MLLT10: variants seen among roughly 807,000 people sequenced by gnomAD.
The protein encoded by MLLT10 is protein AF-10.
MLLT10 carries 30 observed loss-of-function variants against 129.1 expected under a neutral mutation model. The ratio of observed to expected loss-of-function variants is 0.23; its 90% CI spans 0.17 to 0.32. The LOEUF (loss-of-function observed/expected upper bound fraction) is 0.32. MLLT10 is among the 10% of genes least tolerant of loss of function. MLLT10 has a pLI of 1.00. For missense variants in MLLT10, 1,119 were observed against 1,268.3 expected (o/e 0.88, Z 1.79); for synonymous variants, 490 against 446.4 (o/e 1.10, Z -1.23).
rs371470427 is a variant in MLLT10, at chr10:21,587,277, A to C, written c.295+929A>C. 4.1e-4 allele frequency among the ~76,000 whole-genome samples: 62 copies of C among 151,932 alleles called. No individual in the cohort carries two copies. In the South Asian group the frequency reaches 0.012, roughly 30 times the overall value. On this transcript the variant is annotated intron_variant, in intron 4 of 22. Transcript: ENST00000307729. ...AAAATAAAAATAAAAAGACTGAGTT[A>C]CACATGGTGGCACGTGCCTGCAGTT...
rs756113674 is a variant in MLLT10, at chr10:21,682,226, G to A, written c.1668G>A (p.Thr556=). ...AGTCCTTTTTTCCTTACTTAAAAGC[G>A]TTCTCAGAGTTGCTGAATGCAATAC... ...YRHDGACPTT[T]FSELLNAIHN... The change falls in exon 13 of 23, where the codon ACG becomes ACA. Residue 556 remains threonine (T), a splice_region_variant and synonymous_variant. Coordinates refer to ENST00000307729, the MANE Select transcript of MLLT10 (RefSeq NM_001195626.3). 1.2e-5 allele frequency: 19 copies of A among 1,609,700 alleles called. No individual in the cohort carries two copies. Among genetic ancestry groups the A allele is most frequent in the Non-Finnish European group, 1.5e-5 (18 of 1,178,408 alleles).
intron 16 of MLLT10, among the ~76,000 whole-genome samples, chr10:21,729,956 G>A (rs1056608771): frequency 1.3e-5 from 2 of 152,128 alleles, no homozygotes; most frequent in African/African-American, 4.8e-5. Flanking sequence ...AAATATTCAT[G>A]TAAAAGGATC....
intron 22 of MLLT10, 145 bp from the exon 23 acceptor site, chr10:21,741,791 ATAT>A (rs1833681812): frequency 2.9e-6 from 2 of 688,018 alleles, no homozygotes; most frequent in Admixed American, 5.4e-5. Context: ...TCATGTCTAT[ATAT>A]TACGTTGCAA....
At chr10:21,601,629 A>G (rs1302145040) in intron 5 of MLLT10, among the ~76,000 whole-genome samples, 1 of 152,150 alleles carries the variant, frequency 6.6e-6, no homozygotes, top group Non-Finnish European at 1.5e-5. Flanking sequence ...GCCTCAAGCA[A>G]TCAGTCCTCC....
chr10:21,671,126 C>G (rs1332880453), intron 10 of MLLT10: 2 of 161,932 alleles, frequency 1.2e-5, no homozygotes, highest in African/African-American at 4.8e-5. Context: ...TCAAGTGATT[C>G]TTGTGCCTCA....
chr10:21,538,189 A>C (rs1264249070), intron 2 of MLLT10, among the ~76,000 whole-genome samples: 1 of 136,622 alleles, frequency 7.3e-6, no homozygotes, highest in Non-Finnish European at 1.6e-5. Context: ...TTTGAGACGG[A>C]GTTTCACTCT....
At chr10:21,535,155 C>T (rs1478384325) in intron 2 of MLLT10, among the ~76,000 whole-genome samples, 1 of 150,070 alleles carries the variant, frequency 6.7e-6, no homozygotes, top group East Asian at 2.0e-4. Context: ...CGGTGCGCGC[C>T]CTTCCCGGGG....
At chr10:21,549,330 T>G (rs2036600300) in intron 3 of MLLT10, among the ~76,000 whole-genome samples, 1 of 152,012 alleles carries the variant, frequency 6.6e-6, no homozygotes. Flanking sequence ...TCACTGTGTT[T>G]CGATCTCCTG....
intron 3 of MLLT10, among the ~76,000 whole-genome samples, chr10:21,577,259 T>G (rs543126140): frequency 6.6e-6 from 1 of 152,328 alleles, no homozygotes. Flanking sequence ...TCTTTACTCA[T>G]TCATTAATTG....
chr10:21,547,987 C>T (rs2036385030), intron 3 of MLLT10, among the ~76,000 whole-genome samples: 1 of 151,664 alleles, frequency 6.6e-6, no homozygotes, highest in African/African-American at 2.4e-5. Flanking sequence ...GTATTTTTTT[C>T]TCAGGGTCTG....
chr10:21,736,561 G>A (rs905751488), intron 21 of MLLT10, among the ~76,000 whole-genome samples: 1 of 152,210 alleles, frequency 6.6e-6, no homozygotes, highest in East Asian at 1.9e-4. Flanking sequence ...AATTACAGGT[G>A]TGAGCCACTG....
chr10:21,600,781 T>G (rs2043449184), intron 5 of MLLT10, among the ~76,000 whole-genome samples: 1 of 152,164 alleles, frequency 6.6e-6, no homozygotes, highest in Admixed American at 6.5e-5. Context: ...ATTTTGAAAT[T>G]TTCTATTTGA....
At chr10:21,540,678 C>A (rs2034991568) in intron 3 of MLLT10, among the ~76,000 whole-genome samples, 1 of 152,036 alleles carries the variant, frequency 6.6e-6, no homozygotes, top group Admixed American at 6.6e-5. Context: ...TATGATAGTT[C>A]CTTTTTAAAA....
chr10:21,668,951 A>AC, intron 9 of MLLT10: 1 of 1,323,680 alleles, frequency 7.6e-7, no homozygotes, highest in African/African-American at 1.5e-5. Flanking sequence ...GGAATGGAGA[A>AC]CCTCAGGATC....
intron 9 of MLLT10, among the ~76,000 whole-genome samples, chr10:21,662,871 T>A (rs1036330290): frequency 2.0e-5 from 3 of 152,188 alleles, no homozygotes; most frequent in African/African-American, 7.2e-5. Flanking sequence ...AGTCTTTAGG[T>A]GAACCTCTAC....
intron 8 of MLLT10, among the ~76,000 whole-genome samples, chr10:21,634,597 G>T (rs1179357608): frequency 6.6e-6 from 1 of 152,132 alleles, no homozygotes; most frequent in African/African-American, 2.4e-5. Flanking sequence ...TATATCCATT[G>T]ATGATCTTTG....
intron 13 of MLLT10, among the ~76,000 whole-genome samples, chr10:21,683,847 C>T (rs1339181698): frequency 6.6e-6 from 1 of 151,756 alleles, no homozygotes; most frequent in African/African-American, 2.4e-5. Flanking sequence ...CCTGGGTTCT[C>T]CCAGGTGGAC....
intron 5 of MLLT10, among the ~76,000 whole-genome samples, chr10:21,603,827 G>GTT (rs35036317): frequency 0.014 from 1,980 of 142,484 alleles, 27 homozygotes; most frequent in Non-Finnish European, 0.022. Context: ...TTGTTTTTTT[G>GTT]TTTTTTTTTT....
At position 21,733,040 on chromosome 10, in the gene MLLT10, C is replaced by T; in HGVS notation, c.2360C>T (p.Ala787Val). ...TCAGTGCCTTTTCCAACAATAACAG[C>T]AAATCCTAGTCCGTCTCATCAAATA... ...QLSVPFPTIT[A>V]NPSPSHQIHT... is the part of the protein sequence containing the mutation. The change falls in exon 18 of 23, where the codon GCA becomes GTA. Residue 787 changes from alanine (A) to valine (V), a missense_variant. Ala to Val is a moderately conservative substitution (Grantham distance 64). Coordinates refer to ENST00000307729, the MANE Select transcript of MLLT10 (RefSeq NM_001195626.3). 6.2e-7 allele frequency: 1 copy of T among 1,613,682 alleles called. No individual in the cohort carries two copies. Among genetic ancestry groups the T allele is most frequent in the Non-Finnish European group, 8.5e-7 (1 of 1,179,814 alleles).
Sources: allele counts gnomAD v4.1 joint callset (sites outside exome capture counted in the v4.1 genomes callset), GRCh38; gene constraint gnomAD v4.1.1; transcripts MANE v1.5; gene names NCBI Gene and HGNC (gene_info 2026-07-23, HGNC 2026-07-21).